Variants in FUT8 observed in about 807,000 individuals in gnomAD.
FUT8 encodes fucosyltransferase 8.
Under a neutral mutation model 71.3 loss-of-function variants are expected in FUT8, and 29 were observed. That is an observed-to-expected ratio of 0.41 (90% confidence interval 0.30 to 0.55). The LOEUF is 0.55. Among genes scored for constraint, FUT8 ranks in the 20% least tolerant of loss-of-function variants. FUT8 has a pLI of 0.34. For missense variants in FUT8, 544 were observed against 702.1 expected, an observed-to-expected ratio of 0.77 and a Z score of 2.55; for synonymous variants, 254 against 239.3, an observed-to-expected ratio of 1.06 and a Z score of -0.57.
At chr14:65,704,897 TAA>T (rs1894482216) in intron 7 of FUT8, among the ~76,000 whole-genome samples, 1 of 152,210 alleles carries the variant, frequency 6.6e-6, no homozygotes, top group African/African-American at 2.4e-5. Context: ...AACCCAGAGT[TAA>T]GTCTGTCAGA....
chr14:65,606,618 A>G (rs942452417), intron 3 of FUT8, among the ~76,000 whole-genome samples: 4 of 151,886 alleles, frequency 2.6e-5, no homozygotes, highest in Non-Finnish European at 4.4e-5. Flanking sequence ...GTCATATGCT[A>G]AGATCTCTTT....
the FUT8 span, among the ~76,000 whole-genome samples, chr14:65,362,448 C>T: frequency 6.7e-6 from 1 of 150,316 alleles, no homozygotes; most frequent in East Asian, 2.0e-4. Context: ...GGCTGAGGTA[C>T]GAAGATTACT....
chr14:65,665,008 G>A (rs76497295), intron 6 of FUT8, among the ~76,000 whole-genome samples: 1 of 152,024 alleles, frequency 6.6e-6, no homozygotes, highest in Non-Finnish European at 1.5e-5. Flanking sequence ...CTAAACATTT[G>A]CTGTCTGGAT....
At chr14:65,570,946 T>C (rs1476255793) in intron 3 of FUT8, among the ~76,000 whole-genome samples, 3 of 152,076 alleles carry the variant, frequency 2.0e-5, no homozygotes, top group Admixed American at 6.6e-5. Context: ...CAGACTGTGT[T>C]CAAATAAGGC....
intron 5 of FUT8, among the ~76,000 whole-genome samples, chr14:65,617,761 T>C (rs778985657): frequency 4.0e-5 from 6 of 151,812 alleles, no homozygotes; most frequent in Non-Finnish European, 8.8e-5. Context: ...CTGGCCAACA[T>C]GGTGAAACCC....
At chr14:65,374,345 T>G in the FUT8 span, among the ~76,000 whole-genome samples, 6,923 of 152,316 alleles carry the variant, frequency 0.045, 287 homozygotes, top group South Asian at 0.17. Context: ...TATAATGTAC[T>G]ACATACTCAA....
intron 3 of FUT8, among the ~76,000 whole-genome samples, chr14:65,577,859 ATTC>A (rs1886876183): frequency 6.6e-6 from 1 of 152,134 alleles, no homozygotes; most frequent in Non-Finnish European, 1.5e-5. Context: ...ATTTCTCATA[ATTC>A]TTCTCTCATA....
chr14:65,708,985 A>G (rs780226525), intron 7 of FUT8, among the ~76,000 whole-genome samples: 10 of 152,224 alleles, frequency 6.6e-5, no homozygotes, highest in Non-Finnish European at 1.2e-4. Flanking sequence ...CAAAATTGCT[A>G]AAAGAATTTA....
chr14:65,400,058 G>C, the FUT8 span, among the ~76,000 whole-genome samples: 1 of 152,088 alleles, frequency 6.6e-6, no homozygotes, highest in African/African-American at 2.4e-5. Flanking sequence ...TTGCTATTTT[G>C]TACATGAAAT....
Position 65,561,590 on chromosome 14 carries a change from T to C in FUT8, c.27T>C (p.Arg9=), listed in dbSNP as rs201854627. The C allele has an allele frequency of 4.4e-5, 71 of 1,613,330 alleles. No homozygotes were observed. The highest frequency in any genetic ancestry group is 4.5e-5 in the Non-Finnish European group (53 of 1,179,520). The change falls in exon 3 of 11, where the codon CGT becomes CGC. Residue 9 remains arginine, a synonymous_variant. Transcript: ENST00000673929. ...TGCGGCCATGGACTGGTTCCTGGCG[T>C]TGGATTATGCTCATTCTTTTTGCCT... MRPWTGSW[R]WIMLILFAWG...
At chr14:65,456,743 C>T (rs1319650265) in intron 2 of FUT8, among the ~76,000 whole-genome samples, 1 of 151,460 alleles carries the variant, frequency 6.6e-6, no homozygotes, top group African/African-American at 2.4e-5. Flanking sequence ...TGTGGTGGTT[C>T]ACGTCTGTAG....
chr14:65,692,704 C>G (rs1368377202), intron 7 of FUT8, among the ~76,000 whole-genome samples: 1 of 149,232 alleles, frequency 6.7e-6, no homozygotes, highest in African/African-American at 2.5e-5. Context: ...CTCCTCACTT[C>G]TCAGACGGGG....
At chr14:65,487,107 G>GGA (rs1190997907) in intron 2 of FUT8, among the ~76,000 whole-genome samples, 2 of 152,178 alleles carry the variant, frequency 1.3e-5, no homozygotes, top group Non-Finnish European at 2.9e-5. Flanking sequence ...AGGCCCTGAA[G>GGA]GAGAGTTCTA....
chr14:65,461,338 C>A (rs2065965894), intron 2 of FUT8, among the ~76,000 whole-genome samples: 1 of 152,142 alleles, frequency 6.6e-6, no homozygotes, highest in African/African-American at 2.4e-5. Context: ...CCATCCTAAT[C>A]CAGAATGACA....
At chr14:65,608,014 G>T (rs186784226) in intron 3 of FUT8, among the ~76,000 whole-genome samples, 119 of 144,348 alleles carry the variant, frequency 8.2e-4, no homozygotes, top group African/African-American at 2.9e-3. Context: ...GCAGTGAGCC[G>T]AGATTGTGCC....
At chr14:65,642,974 T>C (rs1352038951) in intron 6 of FUT8, among the ~76,000 whole-genome samples, 1 of 152,270 alleles carries the variant, frequency 6.6e-6, no homozygotes. Context: ...CAATATGGAT[T>C]CTAGTTGGCA....
At chr14:65,719,357 T>G (rs1895286224) in intron 7 of FUT8, among the ~76,000 whole-genome samples, 1 of 152,160 alleles carries the variant, frequency 6.6e-6, no homozygotes, top group African/African-American at 2.4e-5. Flanking sequence ...ATTCCTTCTT[T>G]GTGTTATCTT....
At chr14:65,475,255 G>A (rs968824601) in intron 2 of FUT8, among the ~76,000 whole-genome samples, 3 of 152,140 alleles carry the variant, frequency 2.0e-5, no homozygotes, top group Non-Finnish European at 4.4e-5. Flanking sequence ...AGTACAGGAA[G>A]TCCCCTGATT....
intron 1 of FUT8, among the ~76,000 whole-genome samples, chr14:65,417,337 C>G (rs2065233737): frequency 6.6e-6 from 1 of 152,138 alleles, no homozygotes; most frequent in African/African-American, 2.4e-5. Context: ...CCAGCTACCC[C>G]CCATCATCCA....
Sources: allele counts gnomAD v4.1 joint callset (sites outside exome capture counted in the v4.1 genomes callset), GRCh38; gene constraint gnomAD v4.1.1; transcripts MANE v1.5; gene names NCBI Gene and HGNC (gene_info 2026-07-23, HGNC 2026-07-21).